Variants in AVEN observed in about 807,000 individuals in gnomAD.
AVEN encodes the protein apoptosis and caspase activation inhibitor.
In AVEN, 41 loss-of-function variants were observed where a neutral mutation model predicts 38.1. That is an observed-to-expected ratio of 1.08 (90% confidence interval 0.84 to 1.40). The LOEUF (loss-of-function observed/expected upper bound fraction) is 1.40. Among genes scored for constraint, AVEN ranks in the 40% most tolerant of loss-of-function variants. The probability of loss-of-function intolerance (pLI) is 0.00; values close to 1 mark genes in which losing one functional copy is unlikely to be tolerated. For synonymous variants in AVEN, 206 were observed against 171.8 expected (o/e 1.20, Z -1.56); for missense variants, 605 against 438.8 (o/e 1.38, Z -3.38).
intron 11 of AVEN, chr15:33,859,560 A>AT (rs2080116623): frequency 6.2e-7 from 1 of 1,613,120 alleles, no homozygotes; most frequent in Non-Finnish European, 8.5e-7. Context: ...AATCCCCCTT[A>AT]TTTTTCTTCT....
chr15:33,920,175 A>G lies in AVEN; in HGVS notation c.446-44180T>C, dbSNP rs142848019. 4.7e-3 allele frequency among the ~76,000 whole-genome samples: 714 copies of G among 152,336 alleles called. 4 individuals carry two copies. The highest frequency in any genetic ancestry group is 0.017 in the African/African-American group (692 of 41,558). On this transcript the variant is annotated intron_variant, in intron 2 of 5. Coordinates refer to ENST00000306730, the MANE Select transcript of AVEN (RefSeq NM_020371.3). ...ACCATGCAATGCAGATTTGTCCTACAATCTTAATTGTGGTAAAAATACACA... is the reference window on the plus strand; with the variant it reads ...ACCATGCAATGCAGATTTGTCCTACGATCTTAATTGTGGTAAAAATACACA...
intron 2 of AVEN, among the ~76,000 whole-genome samples, chr15:33,881,533 A>C (rs1891485600): frequency 6.6e-6 from 1 of 152,224 alleles, no homozygotes; most frequent in Non-Finnish European, 1.5e-5. Flanking sequence ...AACTTGGTAA[A>C]ATGACTACTA....
At chr15:34,002,940 G>A in intron 2 of AVEN, 92 bp downstream of exon 2, 2 of 1,136,544 alleles carry the variant, frequency 1.8e-6, no homozygotes, top group Non-Finnish European at 2.5e-6. Context: ...AGGATAAATT[G>A]CTAGTTATAA....
chr15:34,008,574 C>T (rs1011607759), intron 1 of AVEN, among the ~76,000 whole-genome samples: 6 of 150,958 alleles, frequency 4.0e-5, no homozygotes, highest in African/African-American at 1.2e-4. Context: ...CTGCAACCTC[C>T]GCCTCCCGGG....
At chr15:33,858,182 C>CTATT (rs2079906612), downstream of AVEN, 1 of 403,006 alleles carries the variant, frequency 2.5e-6, no homozygotes, top group Non-Finnish European at 4.4e-6. Context: ...CATCATTCAT[C>CTATT]TATTTCCGGG....
downstream of AVEN, chr15:33,865,713 T>TAAGCAGTTA (rs1805465418): frequency 6.5e-6 from 1 of 154,300 alleles, no homozygotes; most frequent in African/African-American, 2.4e-5. Context: ...AGAAAAGCTT[T>TAAGCAGTTA]AAGCAGTTAA....
intron 2 of AVEN, among the ~76,000 whole-genome samples, chr15:33,956,527 G>C (rs893537778): frequency 6.6e-6 from 1 of 152,106 alleles, no homozygotes; most frequent in African/African-American, 2.4e-5. Context: ...TTTTAATAGG[G>C]TTGTTAAAAC....
At chr15:33,873,922 A>G (rs1891112707) in intron 3 of AVEN, among the ~76,000 whole-genome samples, 1 of 151,788 alleles carries the variant, frequency 6.6e-6, no homozygotes, top group Non-Finnish European at 1.5e-5. Context: ...TCTATGAGTA[A>G]CCCCTGTCCC....
At chr15:34,053,319 A>AAAAATATATATATATATAT (rs775436850) in intron 5 of AVEN, among the ~76,000 whole-genome samples, 2 of 42,068 alleles carry the variant, frequency 4.8e-5, no homozygotes, top group African/African-American at 1.6e-4. Context: ...AAAAAAAAAA[A>AAAAATATATATATATATAT]ATATATATAT....
chr15:33,997,320 A>C (rs1324189948), intron 2 of AVEN, among the ~76,000 whole-genome samples: 2 of 152,134 alleles, frequency 1.3e-5, no homozygotes, highest in African/African-American at 2.4e-5. Context: ...TTTAACCCAC[A>C]AATCAATAAG....
At chr15:34,042,452 G>A (rs1438927840), upstream of AVEN, among the ~76,000 whole-genome samples, 1 of 147,120 alleles carries the variant, frequency 6.8e-6, no homozygotes, top group Non-Finnish European at 1.5e-5. Context: ...CCAGGCTGGA[G>A]TACAATGGCG....
chr15:33,871,457 A>G (rs1199898313), intron 3 of AVEN, among the ~76,000 whole-genome samples: 1 of 152,008 alleles, frequency 6.6e-6, no homozygotes, highest in African/African-American at 2.4e-5. Flanking sequence ...AATCCCAGCT[A>G]CTCGGGAGGC....
At chr15:33,982,490 G>A (rs1316510678) in intron 2 of AVEN, among the ~76,000 whole-genome samples, 1 of 152,114 alleles carries the variant, frequency 6.6e-6, no homozygotes, top group East Asian at 1.9e-4. Context: ...AATAACATAT[G>A]GTTAAGAGGC....
At chr15:33,894,151 T>G (rs1886354937) in intron 2 of AVEN, among the ~76,000 whole-genome samples, 1 of 152,084 alleles carries the variant, frequency 6.6e-6, no homozygotes, top group Non-Finnish European at 1.5e-5. Context: ...GGTTTCGCTA[T>G]GTTGGCCAGG....
intron 2 of AVEN, among the ~76,000 whole-genome samples, chr15:33,957,246 C>T (rs575456423): frequency 5.3e-5 from 8 of 152,276 alleles, no homozygotes; most frequent in East Asian, 3.9e-4. Flanking sequence ...AAGAGTTCCA[C>T]GGTCACTGTT....
At chr15:34,022,700 A>T (rs963046597) in intron 1 of AVEN, among the ~76,000 whole-genome samples, 1 of 152,230 alleles carries the variant, frequency 6.6e-6, no homozygotes, top group Admixed American at 6.5e-5. Flanking sequence ...TGCTTCACAG[A>T]ATTTTAAAGA....
At chr15:33,982,282 A>G (rs143448259) in intron 2 of AVEN, among the ~76,000 whole-genome samples, 55 of 152,152 alleles carry the variant, frequency 3.6e-4, no homozygotes, top group African/African-American at 1.3e-3. Flanking sequence ...GGTTGGCCCT[A>G]ATGCATTTTT....
intron 2 of AVEN, among the ~76,000 whole-genome samples, chr15:33,980,501 C>T (rs1896088843): frequency 6.6e-6 from 1 of 152,154 alleles, no homozygotes; most frequent in Non-Finnish European, 1.5e-5. Context: ...GGGCTGATGG[C>T]CATATATGAC....
intron 2 of AVEN, among the ~76,000 whole-genome samples, chr15:33,990,381 GAA>G (rs907528236): frequency 6.8e-6 from 1 of 146,978 alleles, no homozygotes. Context: ...GACCCTGTCT[GAA>G]AAAAAAAAGA....
Sources: allele counts gnomAD v4.1 joint callset (sites outside exome capture counted in the v4.1 genomes callset), GRCh38; gene constraint gnomAD v4.1.1; transcripts MANE v1.5; gene names NCBI Gene and HGNC (gene_info 2026-07-23, HGNC 2026-07-21).